Variants in CASD1 observed in about 807,000 individuals in gnomAD.
CASD1 encodes CAS1 domain sialic acid O acetyltransferase 1, also known as N-acetylneuraminate (7)9-O-acetyltransferase.
A neutral mutation model predicts 100.0 loss-of-function variants in CASD1; 41 were observed. The ratio of observed to expected loss-of-function variants is 0.41; its 90% CI spans 0.32 to 0.53. The LOEUF is 0.53. Among genes scored for constraint, CASD1 ranks in the 20% least tolerant of loss-of-function variants. The probability of loss-of-function intolerance (pLI) is 0.25; values close to 1 mark genes in which losing one functional copy is unlikely to be tolerated. For synonymous variants in CASD1, 321 were observed against 315.6 expected (o/e 1.02, Z -0.18); for missense variants, 774 against 948.7 (o/e 0.82, Z 2.42).
chr7:94,587,305 C>T, the CASD1 span: 1 of 993,324 alleles, frequency 1.0e-6, no homozygotes, highest in African/African-American at 1.7e-5. Context: ...TTTCCTAATT[C>T]CCCTAGTGGG....
At chr7:94,571,782 A>G in the CASD1 span, among the ~76,000 whole-genome samples, 1 of 152,300 alleles carries the variant, frequency 6.6e-6, no homozygotes, top group East Asian at 1.9e-4. Context: ...CTGTGTGGCA[A>G]AATAAGCCTA....
chr7:94,586,899 G>A, the CASD1 span: 1 of 984,480 alleles, frequency 1.0e-6, no homozygotes, highest in African/African-American at 1.7e-5. Context: ...TGGCACTTAA[G>A]ATATTTTGGG....
chr7:94,627,890 A>G, the CASD1 span: 1 of 294,492 alleles, frequency 3.4e-6, no homozygotes, highest in Non-Finnish European at 6.5e-6. Context: ...CAAAATACAG[A>G]GCAAATAAGT....
the CASD1 span, among the ~76,000 whole-genome samples, chr7:94,631,229 G>A: frequency 1.3e-5 from 2 of 151,590 alleles, no homozygotes; most frequent in African/African-American, 2.4e-5. Context: ...CTTACCAGCA[G>A]GAATAATCCC....
At chr7:94,575,769 G>T in the CASD1 span, among the ~76,000 whole-genome samples, 1 of 148,366 alleles carries the variant, frequency 6.7e-6, no homozygotes, top group African/African-American at 2.4e-5. Context: ...TTTGGTTGAT[G>T]ATTTTTTCTC....
At chr7:94,600,937 C>T in the CASD1 span, 3 of 1,140,156 alleles carry the variant, frequency 2.6e-6, no homozygotes, top group Non-Finnish European at 3.9e-6. Flanking sequence ...TACACTAAAG[C>T]ATTCTTTGAC....
chr7:94,553,733 C>T (rs371586690), intron 16 of CASD1: 1 of 151,736 alleles, frequency 6.6e-6, no homozygotes, highest in Non-Finnish European at 1.5e-5. Context: ...ATTAACACAG[C>T]ACATGTATAC....
intron 14 of CASD1, 77 bp downstream of exon 14, chr7:94,549,711 A>G (rs886184693): frequency 2.8e-6 from 3 of 1,069,652 alleles, no homozygotes; most frequent in African/African-American, 1.6e-5. Flanking sequence ...TGATCTATCT[A>G]TACTTAGTTT....
At chr7:94,599,027 A>G in the CASD1 span, 2 of 1,199,850 alleles carry the variant, frequency 1.7e-6, no homozygotes, top group Non-Finnish European at 2.4e-6. Flanking sequence ...TGGGTCATCA[A>G]TTTGAAAAAC....
At chr7:94,570,240 T>G in the CASD1 span, among the ~76,000 whole-genome samples, 1 of 152,202 alleles carries the variant, frequency 6.6e-6, no homozygotes, top group African/African-American at 2.4e-5. Flanking sequence ...CTACTGCCTC[T>G]TTTCATGTTT....
At chr7:94,537,206 T>C in intron 8 of CASD1, among the ~76,000 whole-genome samples, 1 of 152,026 alleles carries the variant, frequency 6.6e-6, no homozygotes, top group East Asian at 1.9e-4. Flanking sequence ...GTCGTAAGGA[T>C]AGGTATTGTT....
rs757000421 is a variant in CASD1, at chr7:94,547,110, C to T, written c.1648C>T (p.His550Tyr). 2 of 1,587,546 alleles carry T rather than the reference C, an allele frequency of 1.3e-6. No homozygotes were observed. The highest frequency in any genetic ancestry group is 2.4e-5 in the South Asian group (2 of 85,056). The change falls in exon 13 of 18, where the codon CAT becomes TAT. Residue 550 changes from histidine to tyrosine, a missense_variant. Transcript: ENST00000297273. The stretch of plus-strand genomic sequence containing the variant: ...TTCTCTCTTAGGAAATTGTTTCTGG[C>T]ATTTTGGCTTACTGTTGAAACTAGG... ...QKKANGNCFW[H>Y]FGLLLKLGFL...
chr7:94,535,224 A>G (rs1482528647), intron 7 of CASD1, 85 bp from the exon 8 acceptor site: 2 of 957,820 alleles, frequency 2.1e-6, no homozygotes, highest in East Asian at 4.9e-5. Flanking sequence ...AACATATGAA[A>G]TGTGGAACAG....
chr7:94,588,191 C>G, the CASD1 span: 1 of 1,072,522 alleles, frequency 9.3e-7, no homozygotes, highest in Non-Finnish European at 1.1e-6. Context: ...GAGAATTGTC[C>G]GCCATCTTGT....
chr7:94,552,315 C>A, intron 15 of CASD1, 35 bp from the exon 16 acceptor site: 1 of 1,516,790 alleles, frequency 6.6e-7, no homozygotes, highest in Non-Finnish European at 9.1e-7. Context: ...TCCAGACTTG[C>A]TTTTTTGAAC....
chr7:94,621,224 T>C, the CASD1 span: 2 of 152,334 alleles, frequency 1.3e-5, no homozygotes, highest in East Asian at 1.9e-4. Context: ...ACTGCACATA[T>C]ACATTTCTGT....
chr7:94,624,773 A>G, the CASD1 span: 13 of 152,074 alleles, frequency 8.5e-5, no homozygotes, highest in African/African-American at 2.9e-4. Context: ...CTTAGAAAAA[A>G]AATAGATTTT....
chr7:94,552,884 C>T (rs1402326762), intron 16 of CASD1, among the ~76,000 whole-genome samples: 1 of 152,252 alleles, frequency 6.6e-6, no homozygotes, highest in Non-Finnish European at 1.5e-5. Flanking sequence ...TTGCAGTGAC[C>T]TGAGATTGCA....
At chr7:94,630,706 G>C in the CASD1 span, among the ~76,000 whole-genome samples, 4 of 151,710 alleles carry the variant, frequency 2.6e-5, no homozygotes, top group African/African-American at 9.7e-5. Flanking sequence ...TCACTTCTAC[G>C]ATCTCTTTTG....
Sources: gnomAD v4.1 joint callset for allele counts (sites outside exome capture counted in the v4.1 genomes callset) on GRCh38, gnomAD v4.1.1 for gene constraint, MANE v1.5 for transcripts, NCBI Gene and HGNC (gene_info 2026-07-23, HGNC 2026-07-21) for gene names.